The following RFT1 variants were observed in gnomAD, a reference collection of about 807,000 sequenced individuals.
The protein encoded by RFT1 is man(5)GlcNAc(2)-PP-dolichol translocation protein RFT1.
A neutral mutation model predicts 62.2 loss-of-function variants in RFT1; 43 were observed. The ratio of observed to expected loss-of-function variants is 0.69; its 90% CI spans 0.54 to 0.89. The LOEUF is 0.89. RFT1 is among the 40% of genes least tolerant of loss of function. RFT1 has a pLI of 0.00. For synonymous variants in RFT1, 262 were observed against 264.6 expected (o/e 0.99, Z 0.10); for missense variants, 605 against 649.9 (o/e 0.93, Z 0.75).
chr3:53,109,671 C>T (rs1242358970), intron 7 of RFT1, among the ~76,000 whole-genome samples: 6 of 151,948 alleles, frequency 3.9e-5, no homozygotes, highest in African/African-American at 9.7e-5. Context: ...ATTGGCTAGG[C>T]GTAATGGTAG....
At position 53,123,819 on chromosome 3, in the gene RFT1, G is replaced by A. The variant is rs770892735; in HGVS notation, c.171C>T (p.Thr57=). 8.1e-6 allele frequency: 13 copies of A among 1,614,112 alleles called. No homozygotes were observed. In the South Asian group the frequency reaches 9.9e-5, roughly 12 times the overall value. ...VNVRLTLLYS[T]TLFLAREAFR... is the part of the protein sequence containing the mutation. ...AGGCCTCTCTGGCCAGGAAGAGGGTGGTTGAGTAAAGCAGCGTTAGTCTGT... is the reference window on the plus strand; with the variant it reads ...AGGCCTCTCTGGCCAGGAAGAGGGTAGTTGAGTAAAGCAGCGTTAGTCTGT... Residue 57 remains threonine, a synonymous_variant, in exon 3 of 13, where the codon ACC becomes ACT. Coordinates refer to ENST00000296292, the MANE Select transcript of RFT1 (RefSeq NM_052859.4).
At chr3:53,121,894 C>T in intron 4 of RFT1, 94 bp from the exon 5 acceptor site, 1 of 1,042,256 alleles carries the variant, frequency 9.6e-7, no homozygotes, top group Non-Finnish European at 1.4e-6. Flanking sequence ...CAGTGGTCAC[C>T]CTGGCTGTGG....
intron 9 of RFT1, 55 bp downstream of exon 9, chr3:53,105,618 G>A (rs1346643821): frequency 6.3e-7 from 1 of 1,592,560 alleles, no homozygotes. Flanking sequence ...ACTCCTGTCT[G>A]TCTTGCAATT....
intron 11 of RFT1, among the ~76,000 whole-genome samples, chr3:53,093,506 A>G (rs1257450483): frequency 1.3e-5 from 2 of 152,182 alleles, no homozygotes; most frequent in African/African-American, 2.4e-5. Flanking sequence ...AGGCACTCAA[A>G]GTATATAGCT....
At chr3:53,111,405 C>CA (rs879436356) in intron 7 of RFT1, among the ~76,000 whole-genome samples, 432 of 114,758 alleles carry the variant, frequency 3.8e-3, no homozygotes, top group African/African-American at 7.6e-3. Flanking sequence ...GACTCCATCT[C>CA]AAAAAAAAAA....
At chr3:53,108,566 T>A (rs75566633) in intron 7 of RFT1, among the ~76,000 whole-genome samples, 6 of 152,030 alleles carry the variant, frequency 3.9e-5, no homozygotes, top group Admixed American at 2.6e-4. Flanking sequence ...TGTTTTTTTT[T>A]ATTTTTTAGT....
At chr3:53,093,214 T>C (rs2107074382) in intron 11 of RFT1, among the ~76,000 whole-genome samples, 1 of 152,256 alleles carries the variant, frequency 6.6e-6, no homozygotes, top group Non-Finnish European at 1.5e-5. Flanking sequence ...ATGACTGGCC[T>C]CCAAAATGAA....
At chr3:53,117,441 C>T (rs934242536) in intron 6 of RFT1, among the ~76,000 whole-genome samples, 1 of 152,296 alleles carries the variant, frequency 6.6e-6, no homozygotes, top group Admixed American at 6.5e-5. Flanking sequence ...CTCCCTGAGG[C>T]CCAGGAATCA....
In RFT1 at chr3:53,122,474, T is replaced by C. The variant is rs201129490; in HGVS notation, c.356A>G (p.Tyr119Cys). ...ACCAAACAGCACCACTCCAGTTGCA[T>C]AGTGAGGGACAACATTAGGATCAGG... ...EVPDPNVVPH[Y>C]ATGVVLFGLS... is the part of the protein sequence containing the mutation. Residue 119 changes from tyrosine (Y) to cysteine (C), a missense_variant, in exon 4 of 13, where the codon TAT becomes TGT. Tyr to Cys is a radical substitution (Grantham distance 194). Transcript: ENST00000296292. 11 of 1,613,944 alleles carry C rather than the reference T, an allele frequency of 6.8e-6. No individual in the cohort carries two copies. The highest frequency in any genetic ancestry group is 5.0e-5 in the Admixed American group (3 of 59,994).
At chr3:53,085,687 G>A (rs2253685), downstream of RFT1, 73,720 of 151,980 alleles carry the variant, frequency 0.49, 19,757 homozygotes, top group East Asian at 0.73. Context: ...ACAGAGTTCC[G>A]GGCACACTTA....
At chr3:53,087,526 AT>A (rs138507991), downstream of RFT1, among the ~76,000 whole-genome samples, 41,222 of 147,212 alleles carry the variant, frequency 0.28, 5,902 homozygotes, top group Middle Eastern at 0.4. Context: ...TCAGGAAATA[AT>A]TTTTTTTTTT....
intron 10 of RFT1, among the ~76,000 whole-genome samples, chr3:53,099,717 TG>T (rs1701258043): frequency 6.6e-6 from 1 of 152,214 alleles, no homozygotes; most frequent in Non-Finnish European, 1.5e-5. Context: ...CTGGGCACGG[TG>T]GCTCACACCT....
Position 53,090,888 on chromosome 3 carries a change from T to C in RFT1, c.*1015A>G, listed in dbSNP as rs1446685825. 1 of 152,248 alleles carries C rather than the reference T, an allele frequency of 6.6e-6. No individual in the cohort carries two copies. The highest frequency in any genetic ancestry group is 2.4e-5 in the African/African-American group (1 of 41,452). The allele number at this position is 152,248 out of a possible 1,614,324, so 9.4% of individuals were successfully genotyped here. A position where few individuals can be genotyped will look rare whatever the true frequency, so the allele number is the denominator to read the frequency against. ...TGTAGCCTGGAGTACCAGGCCCCCA[T>C]GCCTGCCACTCTTGTCCTGGGGCTG... On this transcript the variant is annotated 3_prime_UTR_variant, in exon 13 of 13. Coordinates refer to ENST00000296292, the MANE Select transcript of RFT1 (RefSeq NM_052859.4).
Position 53,106,728 on chromosome 3 carries a change from A to G in RFT1, c.826+91T>C, listed in dbSNP as rs1168508581. 9.3e-6 allele frequency: 9 copies of G among 963,330 alleles called. No individual in the cohort carries two copies. The African/African-American group carries it at 1.3e-4, about 14-fold the overall frequency. The allele number at this position is 963,330 out of a possible 1,614,324, so 59.7% of individuals were successfully genotyped here. On this transcript the variant is annotated intron_variant, in intron 8 of 12. Transcript: ENST00000296292. ...AGGATTTTCTTTAATCTTCAGGTTC[A>G]TCTTTCATTAAATATATCAGAGAAA... is the stretch of plus-strand genomic sequence containing the variant.
intron 12 of RFT1, 94 bp downstream of exon 12, chr3:53,092,275 A>C: frequency 6.5e-7 from 1 of 1,530,636 alleles, no homozygotes; most frequent in Non-Finnish European, 8.9e-7. Context: ...GGGAGGGGAC[A>C]GGAGGAGGCA....
the RFT1 span, among the ~76,000 whole-genome samples, chr3:53,076,200 A>G: frequency 6.6e-6 from 1 of 152,224 alleles, no homozygotes; most frequent in Non-Finnish European, 1.5e-5. Flanking sequence ...GCCCTTGAGC[A>G]TAACTGTACC....
chr3:53,092,162 C>T, intron 12 of RFT1, 92 bp from the exon 13 acceptor site: 1 of 1,527,372 alleles, frequency 6.5e-7, no homozygotes, highest in Non-Finnish European at 9.0e-7. Flanking sequence ...GTTCCAGCTT[C>T]TAAGTCAGAT....
chr3:53,083,251 C>T, the RFT1 span, among the ~76,000 whole-genome samples: 1 of 148,772 alleles, frequency 6.7e-6, no homozygotes, highest in Non-Finnish European at 1.5e-5. Context: ...GTGGCTCACG[C>T]CTGTAATCCC....
intron 6 of RFT1, among the ~76,000 whole-genome samples, chr3:53,118,796 C>T (rs1460422841): frequency 1.3e-5 from 2 of 152,100 alleles, no homozygotes; most frequent in Non-Finnish European, 2.9e-5. Context: ...AAATGAAAGT[C>T]CAATGGCCTG....
Sources: gnomAD v4.1 joint callset for allele counts (sites outside exome capture counted in the v4.1 genomes callset) on GRCh38, gnomAD v4.1.1 for gene constraint, MANE v1.5 for transcripts, NCBI Gene and HGNC (gene_info 2026-07-23, HGNC 2026-07-21) for gene names.